The following ANKS1B variants were observed in gnomAD, a reference collection of about 807,000 sequenced individuals.
The protein encoded by ANKS1B is ankyrin repeat and sterile alpha motif domain containing 1B.
A neutral mutation model predicts 148.3 loss-of-function variants in ANKS1B; 36 were observed. That is an observed-to-expected ratio of 0.24 (90% confidence interval 0.19 to 0.32). The LOEUF is 0.32. Among genes scored for constraint, ANKS1B ranks in the 10% least tolerant of loss-of-function variants. The pLI, the probability that ANKS1B is intolerant of heterozygous loss-of-function variation, is 1.00. For missense variants in ANKS1B, 1,157 were observed against 1,542.6 expected (o/e 0.75, Z 4.19); for synonymous variants, 542 against 560.8 (o/e 0.97, Z 0.47).
intron 1 of ANKS1B, among the ~76,000 whole-genome samples, chr12:99,862,102 G>A (rs1173823311): frequency 6.6e-6 from 1 of 152,104 alleles, no homozygotes; most frequent in Non-Finnish European, 1.5e-5. Flanking sequence ...AATTTTTAGA[G>A]GGGTGTTGTA....
At position 99,333,854 on chromosome 12, in the gene ANKS1B, G is replaced by GTT. The variant is rs10526476; in HGVS notation, c.1756+65775_1756+65776dup. Among the ~76,000 whole-genome samples the GTT allele has an allele frequency of 5.4e-3, 576 of 107,440 alleles. 15 individuals carry two copies. Among genetic ancestry groups the GTT allele is most frequent in the South Asian group, 9.8e-3 (35 of 3,566 alleles). 70.5% of individuals were successfully genotyped at this position (107,440 alleles called of 152,430 possible). A position where few individuals can be genotyped will look rare whatever the true frequency, so the allele number is the denominator to read the frequency against. ...ATCAAAGTCACATTTCCAGTTCTCA[G>GTT]TTTTTTTTTTTTTTTTTTTTTAACA... On this transcript the variant is annotated intron_variant, in intron 12 of 26. Transcript: ENST00000683438.
At chr12:99,818,497 T>G (rs1233339186) in intron 2 of ANKS1B, among the ~76,000 whole-genome samples, 1 of 151,886 alleles carries the variant, frequency 6.6e-6, no homozygotes, top group Admixed American at 6.6e-5. Context: ...TAAGTTACAT[T>G]GCTAATCAAT....
chr12:98,853,478 T>C (rs1374901200), intron 17 of ANKS1B, among the ~76,000 whole-genome samples: 1 of 152,144 alleles, frequency 6.6e-6, no homozygotes, highest in Non-Finnish European at 1.5e-5. Flanking sequence ...TCCCACATCC[T>C]CACTGTAGCC....
In ANKS1B at chr12:99,046,566, G is replaced by A. The variant is rs564938597; in HGVS notation, c.2778+6591C>T. 2.6e-4 allele frequency among the ~76,000 whole-genome samples: 40 copies of A among 151,916 alleles called. No individual in the cohort carries two copies. The South Asian group carries it at 6.0e-3, about 23-fold the overall frequency. ...TGTAATCCCAGCACTTTGGGAGGCC[G>A]AGGCAGGCGGATCACAAGGTCAGGA... On this transcript the variant is annotated intron_variant, in intron 17 of 26. Transcript: ENST00000683438.
intron 8 of ANKS1B, among the ~76,000 whole-genome samples, chr12:99,675,112 G>A (rs1036279771): frequency 6.6e-6 from 1 of 151,904 alleles, no homozygotes; most frequent in Non-Finnish European, 1.5e-5. Flanking sequence ...TTTGGTGAGG[G>A]GCTTTGCATT....
chr12:99,097,860 G>A (rs987133039), intron 15 of ANKS1B, among the ~76,000 whole-genome samples: 3 of 152,178 alleles, frequency 2.0e-5, no homozygotes, highest in African/African-American at 7.2e-5. Context: ...TTCTAACAAG[G>A]AGTACATCTA....
intron 8 of ANKS1B, among the ~76,000 whole-genome samples, chr12:99,659,992 G>A (rs898112376): frequency 1.3e-5 from 2 of 152,142 alleles, no homozygotes; most frequent in African/African-American, 4.8e-5. Flanking sequence ...GCAGAATCCA[G>A]GAAAGAGGCA....
rs113412490 is a variant in ANKS1B, at chr12:99,527,323, T to C, written c.1273-22682A>G. 3.9e-4 allele frequency among the ~76,000 whole-genome samples: 59 copies of C among 152,328 alleles called. 1 individual carries two copies. Among genetic ancestry groups the C allele is most frequent in the African/African-American group, 1.3e-3 (53 of 41,582 alleles). On this transcript the variant is annotated intron_variant, in intron 9 of 26. Transcript: ENST00000683438. ...GGGACTATCAAAAAAGGGGATTATC[T>C]TTCTTCTTGATAAAATTCCCAAAAG...
At chr12:99,627,565 G>A (rs185045688) in intron 9 of ANKS1B, among the ~76,000 whole-genome samples, 284 of 152,234 alleles carry the variant, frequency 1.9e-3, no homozygotes, top group Non-Finnish European at 3.1e-3. Context: ...TTGCCAAAAA[G>A]CAAAGATGCT....
chr12:99,776,228 C>T (rs2063633521), intron 6 of ANKS1B, among the ~76,000 whole-genome samples: 1 of 152,152 alleles, frequency 6.6e-6, no homozygotes, highest in Admixed American at 6.5e-5. Flanking sequence ...ATGTCCTATA[C>T]TCAGCCTATT....
intron 12 of ANKS1B, among the ~76,000 whole-genome samples, chr12:99,277,232 A>G (rs1488141804): frequency 6.6e-6 from 1 of 152,234 alleles, no homozygotes; most frequent in Non-Finnish European, 1.5e-5. Flanking sequence ...AGTAAATGAC[A>G]AAGTCTTATT....
At chr12:99,138,891 C>G (rs1454075488) in intron 15 of ANKS1B, among the ~76,000 whole-genome samples, 1 of 152,062 alleles carries the variant, frequency 6.6e-6, no homozygotes, top group East Asian at 1.9e-4. Context: ...CCATCATATT[C>G]AGCTTGCTTT....
chr12:99,563,721 C>T (rs1389148467), intron 9 of ANKS1B, among the ~76,000 whole-genome samples: 1 of 152,138 alleles, frequency 6.6e-6, no homozygotes, highest in Non-Finnish European at 1.5e-5. Context: ...ATCAATGCAG[C>T]ATTGCCACAA....
chr12:99,053,066 C>A, intron 17 of ANKS1B, 91 bp downstream of exon 17: 1 of 1,159,144 alleles, frequency 8.6e-7, no homozygotes. Flanking sequence ...TATAAATCCC[C>A]ATTGGATGTC....
intron 11 of ANKS1B, among the ~76,000 whole-genome samples, chr12:99,405,534 C>T (rs2094511010): frequency 6.9e-6 from 1 of 144,248 alleles, no homozygotes; most frequent in Non-Finnish European, 1.5e-5. Flanking sequence ...ATTAAAAATC[C>T]TACAATAGAT....
intron 8 of ANKS1B, among the ~76,000 whole-genome samples, chr12:99,718,312 C>T (rs1352980192): frequency 6.6e-6 from 1 of 152,128 alleles, no homozygotes; most frequent in Admixed American, 6.6e-5. Context: ...TGGACTACAG[C>T]TGTATCTCAT....
intron 1 of ANKS1B, among the ~76,000 whole-genome samples, chr12:99,956,445 C>T (rs1341180578): frequency 1.3e-5 from 2 of 152,142 alleles, no homozygotes; most frequent in Non-Finnish European, 2.9e-5. Context: ...CCTTTCTTTT[C>T]ATCTTCCTTA....
At chr12:98,756,728 T>TC (rs1251555094) in intron 25 of ANKS1B, among the ~76,000 whole-genome samples, 1 of 104,296 alleles carries the variant, frequency 9.6e-6, no homozygotes, top group African/African-American at 3.4e-5. Flanking sequence ...TCCATCTATC[T>TC]TTTTTTTTTT....
At chr12:99,036,135 C>CGTG (rs202172721) in intron 17 of ANKS1B, among the ~76,000 whole-genome samples, 2,178 of 152,258 alleles carry the variant, frequency 0.014, 46 homozygotes, top group African/African-American at 0.05. Context: ...GCAGGAGATA[C>CGTG]ATGAGCGACT....
Sources: allele counts gnomAD v4.1 joint callset (sites outside exome capture counted in the v4.1 genomes callset), GRCh38; gene constraint gnomAD v4.1.1; transcripts MANE v1.5; gene names NCBI Gene and HGNC (gene_info 2026-07-23, HGNC 2026-07-21).